The following RASGEF1B variants were observed in gnomAD, a reference collection of about 807,000 sequenced individuals.
RASGEF1B encodes ras-GEF domain-containing family member 1B.
In RASGEF1B, 30 loss-of-function variants were observed where a neutral mutation model predicts 65.7. The ratio of observed to expected loss-of-function variants is 0.46; its 90% CI spans 0.34 to 0.62. The LOEUF (loss-of-function observed/expected upper bound fraction) is 0.62. Among genes scored for constraint, RASGEF1B ranks in the 20% least tolerant of loss-of-function variants. The pLI is 0.01. For missense variants in RASGEF1B, 495 were observed against 580.1 expected, an observed-to-expected ratio of 0.85 and a Z score of 1.51; for synonymous variants, 175 against 194.8, an observed-to-expected ratio of 0.90 and a Z score of 0.85.
At position 81,441,827 on chromosome 4, in the gene RASGEF1B, G is replaced by A. The variant is rs548007989; in HGVS notation, c.1008+470C>T. Among the ~76,000 whole-genome samples, 8 of 152,304 alleles carry A rather than the reference G, an allele frequency of 5.3e-5. No individual in the cohort carries two copies. In the South Asian group the frequency reaches 1.7e-3, roughly 32 times the overall value. On this transcript the variant is annotated intron_variant, in intron 9 of 13. Coordinates refer to ENST00000264400, the MANE Select transcript of RASGEF1B (RefSeq NM_152545.3). ...CAAAGTGTTAGGATTACAGGCGTGA[G>A]CCACTGCGCCTGGCCCACAATTCTT...
Position 81,445,787 on chromosome 4 carries a change from A to G in RASGEF1B, c.781T>C (p.Trp261Arg). Residue 261 changes from tryptophan (W) to arginine (R), a missense_variant, in exon 7 of 14, where the codon TGG (tryptophan) becomes CGG (arginine). Transcript: ENST00000264400. ...KTRNLEAYVEWFNRLSYLVAT... is the reference protein window; with the variant it reads ...KTRNLEAYVERFNRLSYLVAT... ...ACCAAGTAGCTGAGGCGATTAAACC[A>G]TTCCACGTAAGCTTCTAAGTTTCGT... 6.2e-7 allele frequency: 1 copy of G among 1,614,146 alleles called. No individual in the cohort carries two copies. Among genetic ancestry groups the G allele is most frequent in the Non-Finnish European group, 8.5e-7 (1 of 1,180,000 alleles).
chr4:81,471,206 A>G (rs1723009371), intron 1 of RASGEF1B: 1 of 152,312 alleles, frequency 6.6e-6, no homozygotes, highest in Non-Finnish European at 1.5e-5. Context: ...GTCAGACTTT[A>G]GATTACATGG....
intron 11 of RASGEF1B, among the ~76,000 whole-genome samples, chr4:81,434,200 G>T (rs751670005): frequency 2.0e-5 from 3 of 151,842 alleles, no homozygotes; most frequent in Admixed American, 6.6e-5. Flanking sequence ...CTACAGGTGC[G>T]AACCACCACG....
At chr4:81,466,770 A>AAAAAAAAAGAAAGAAAGAAAG (rs748492254) in intron 1 of RASGEF1B, among the ~76,000 whole-genome samples, 12 of 36,092 alleles carry the variant, frequency 3.3e-4, no homozygotes, top group African/African-American at 1.1e-3. Flanking sequence ...AAAAAAAAAA[A>AAAAAAAAAGAAAGAAAGAAAG]AAAGAAAGAA....
chr4:81,470,596 A>G (rs1301678723), intron 1 of RASGEF1B, among the ~76,000 whole-genome samples: 1 of 152,200 alleles, frequency 6.6e-6, no homozygotes, highest in African/African-American at 2.4e-5. Flanking sequence ...GCAGTTCCTG[A>G]CCGTCGTCAC....
chr4:81,445,697 A>G, intron 7 of RASGEF1B, 46 bp downstream of exon 7: 1 of 1,589,982 alleles, frequency 6.3e-7, no homozygotes, highest in East Asian at 2.2e-5. Flanking sequence ...AATAAGTATG[A>G]AAAAATAATG....
In RASGEF1B at chr4:81,427,721, T is replaced by C; in HGVS notation, c.*47A>G. ...CAGAAAACAAAGGCCAGCCCCTCCA[T>C]GATCTGCAGGAAGCAGCAGCAGCAG... On this transcript the variant is annotated 3_prime_UTR_variant, in exon 14 of 14. Transcript: ENST00000264400. 8 of 1,612,058 alleles carry C rather than the reference T, an allele frequency of 5.0e-6. No individual in the cohort carries two copies. Among genetic ancestry groups the C allele is most frequent in the South Asian group, 1.1e-5 (1 of 91,004 alleles).
In RASGEF1B at chr4:81,427,519, T is replaced by G; in HGVS notation, c.*249A>C. 2.2e-6 allele frequency: 1 copy of G among 458,906 alleles called. No homozygotes were observed. The highest frequency in any genetic ancestry group is 3.8e-6 in the Non-Finnish European group (1 of 261,302). The allele number at this position is 458,906 out of a possible 1,614,324, so 28.4% of individuals were successfully genotyped here. On this transcript the variant is annotated 3_prime_UTR_variant, in exon 14 of 14. Transcript: ENST00000264400. ...TGAATAATGTGCAGAGCCGGGATTTTTAGAGGATTCTTTCTCAAGTGTCTT... is the reference window on the plus strand; with the variant it reads ...TGAATAATGTGCAGAGCCGGGATTTGTAGAGGATTCTTTCTCAAGTGTCTT...
intron 3 of RASGEF1B, 121 bp from the exon 4 acceptor site, chr4:81,456,909 A>C: frequency 1.2e-6 from 1 of 859,244 alleles, no homozygotes; most frequent in Middle Eastern, 3.6e-4. Flanking sequence ...ATGAAGAAGA[A>C]GCTCCAGCCC....
intron 9 of RASGEF1B, among the ~76,000 whole-genome samples, chr4:81,442,065 C>G (rs933004547): frequency 6.6e-6 from 1 of 152,200 alleles, no homozygotes; most frequent in Non-Finnish European, 1.5e-5. Flanking sequence ...TGACAGGTCA[C>G]TATTTCCCCA....
At chr4:81,430,232 C>CG (rs2109963091) in intron 13 of RASGEF1B, among the ~76,000 whole-genome samples, 1 of 152,232 alleles carries the variant, frequency 6.6e-6, no homozygotes, top group African/African-American at 2.4e-5. Context: ...ACCCGGGAGG[C>CG]GGAGCCTGCA....
chr4:81,429,100 G>A (rs1473140139), intron 13 of RASGEF1B, among the ~76,000 whole-genome samples: 1 of 152,170 alleles, frequency 6.6e-6, no homozygotes, highest in South Asian at 2.1e-4. Flanking sequence ...CCCTCAAGGG[G>A]CTTACATAGC....
In RASGEF1B at chr4:81,457,120, G is replaced by A. The variant is rs189440187; in HGVS notation, c.301-332C>T. Among the ~76,000 whole-genome samples, 325 of 152,244 alleles carry A rather than the reference G, an allele frequency of 2.1e-3. 1 individual carries two copies. The highest frequency in any genetic ancestry group is 3.4e-3 in the Middle Eastern group (1 of 294). ...TGCAACCTGCCTCCCAGGTTCAAGC[G>A]ATTCTCCTGCCTCAGCCTCCTGGGT... On this transcript the variant is annotated intron_variant, in intron 3 of 13. Coordinates refer to ENST00000264400, the MANE Select transcript of RASGEF1B (RefSeq NM_152545.3).
At position 81,471,564 on chromosome 4, in the gene RASGEF1B, T is replaced by G. The variant is rs544156851; in HGVS notation, c.-7+206A>C. Among the ~76,000 whole-genome samples, 5 of 152,264 alleles carry G rather than the reference T, an allele frequency of 3.3e-5. No homozygotes were observed. The East Asian group carries it at 7.8e-4, about 24-fold the overall frequency. ...CGGTCCCGGGCTGTAACTCGGCTCT[T>G]GGCGCCCGCGTTCGCGCTCACTCGC... On this transcript the variant is annotated intron_variant, in intron 1 of 13. Transcript: ENST00000264400.
chr4:81,457,685 AC>A, intron 2 of RASGEF1B, 64 bp from the exon 3 acceptor site: 1 of 1,567,574 alleles, frequency 6.4e-7, no homozygotes, highest in Non-Finnish European at 8.7e-7. Flanking sequence ...TTGCCTTTAT[AC>A]TATGTCTTAT....
At position 81,466,951 on chromosome 4, in the gene RASGEF1B, A is replaced by G. The variant is rs529552871; in HGVS notation, c.-7+4819T>C. Among the ~76,000 whole-genome samples the G allele has an allele frequency of 8.2e-4, 122 of 148,704 alleles. 2 individuals carry two copies. In the South Asian group the frequency reaches 0.011, roughly 14 times the overall value. On this transcript the variant is annotated intron_variant, in intron 1 of 13. Coordinates refer to ENST00000264400, the MANE Select transcript of RASGEF1B (RefSeq NM_152545.3). ...GCTTACCTCCTTAAAAAAAAAAAAAAAAAAGAAAAAAAAGGTATTGTATTG... is the reference window on the plus strand; with the variant it reads ...GCTTACCTCCTTAAAAAAAAAAAAAGAAAAGAAAAAAAAGGTATTGTATTG...
chr4:81,466,142 T>TTAA (rs1722795996), intron 1 of RASGEF1B, among the ~76,000 whole-genome samples: 1 of 152,146 alleles, frequency 6.6e-6, no homozygotes, highest in South Asian at 2.1e-4. Flanking sequence ...GGGGAGAGGT[T>TTAA]TAATTTAATA....
chr4:81,454,504 C>G (rs1040615200), intron 4 of RASGEF1B: 1 of 152,196 alleles, frequency 6.6e-6, no homozygotes, highest in African/African-American at 2.4e-5. Flanking sequence ...ATCTTTTGAG[C>G]AGCTTCAGAT....
At chr4:81,468,872 C>T (rs1268745986) in intron 1 of RASGEF1B, among the ~76,000 whole-genome samples, 2 of 152,180 alleles carry the variant, frequency 1.3e-5, no homozygotes, top group Non-Finnish European at 2.9e-5. Flanking sequence ...TTCTGTTCAA[C>T]TCCCCACAGT....
Sources: gnomAD v4.1 joint callset for allele counts (sites outside exome capture counted in the v4.1 genomes callset) on GRCh38, gnomAD v4.1.1 for gene constraint, MANE v1.5 for transcripts, NCBI Gene and HGNC (gene_info 2026-07-23, HGNC 2026-07-21) for gene names.